MINDY3: variants seen among roughly 807,000 people sequenced by gnomAD.
MINDY3 encodes the protein MINDY lysine 48 deubiquitinase 3.
MINDY3 carries 38 observed loss-of-function variants against 69.2 expected under a neutral mutation model. The ratio of observed to expected loss-of-function variants is 0.55; its 90% CI spans 0.42 to 0.72. The LOEUF is 0.72. MINDY3 is among the 30% of genes least tolerant of loss of function. The probability of loss-of-function intolerance (pLI) is 0.00; values close to 1 mark genes in which losing one functional copy is unlikely to be tolerated. For missense variants in MINDY3, 522 were observed against 519.0 expected (o/e 1.01, Z -0.06); for synonymous variants, 192 against 180.1 (o/e 1.07, Z -0.53).
At position 15,789,319 on chromosome 10, in the gene MINDY3, T is replaced by C; in HGVS notation, c.956A>G (p.Asp319Gly). 6.2e-7 allele frequency: 1 copy of C among 1,609,186 alleles called. No homozygotes were observed. The change falls in exon 12 of 15, where the codon GAT (aspartate) becomes GGT (glycine). Residue 319 changes from aspartate (D) to glycine (G), a missense_variant and splice_region_variant. By Grantham distance (94) the Asp-to-Gly change is moderately conservative (BLOSUM62 -1). Transcript: ENST00000277632. ...RRVFQTYDPEDNGFIPDSLLE... is the reference protein window; with the variant it reads ...RRVFQTYDPEGNGFIPDSLLE... ...AAGTGAATCGGGTATGAATCCATTA[T>C]CTAGGGGGGAAAAAATCAGAAACAA...
At chr10:15,808,904 A>G (rs764888514) in intron 10 of MINDY3, among the ~76,000 whole-genome samples, 7 of 152,160 alleles carry the variant, frequency 4.6e-5, no homozygotes, top group Non-Finnish European at 1.0e-4. Context: ...GCAGGGTCCA[A>G]CTATTTTTAT....
intron 8 of MINDY3, among the ~76,000 whole-genome samples, chr10:15,822,895 AATAAT>A (rs934822023): frequency 6.6e-6 from 1 of 152,176 alleles, no homozygotes; most frequent in African/African-American, 2.4e-5. Context: ...ACATTAATAT[AATAAT>A]ATATTTGGGT....
chr10:15,824,011 T>C (rs908156138), intron 8 of MINDY3, among the ~76,000 whole-genome samples: 3 of 152,180 alleles, frequency 2.0e-5, no homozygotes, highest in African/African-American at 7.2e-5. Context: ...AGAATTCCAG[T>C]TTCTTTATCC....
chr10:15,841,119 C>T (rs756549784), intron 4 of MINDY3, among the ~76,000 whole-genome samples: 1 of 151,292 alleles, frequency 6.6e-6, no homozygotes, highest in East Asian at 2.0e-4. Context: ...GCATCTGAAA[C>T]TGAAGCATAT....
chr10:15,852,350 T>C (rs573597921), intron 1 of MINDY3, among the ~76,000 whole-genome samples: 25 of 152,292 alleles, frequency 1.6e-4, no homozygotes, highest in African/African-American at 6.0e-4. Context: ...GAGATAACCA[T>C]TTGGCAACTT....
chr10:15,812,801 A>C (rs1839097787), intron 10 of MINDY3, among the ~76,000 whole-genome samples: 1 of 152,194 alleles, frequency 6.6e-6, no homozygotes, highest in Non-Finnish European at 1.5e-5. Flanking sequence ...AACAACAGCA[A>C]AGCTGCTAAG....
intron 9 of MINDY3, chr10:15,817,771 T>C (rs974771743): frequency 2.6e-5 from 4 of 152,326 alleles, no homozygotes; most frequent in East Asian, 1.9e-4. Flanking sequence ...AGTGGCTGTT[T>C]GTGGCAGTCA....
intron 10 of MINDY3, among the ~76,000 whole-genome samples, chr10:15,808,540 T>G (rs375208048): frequency 2.0e-5 from 3 of 152,176 alleles, no homozygotes; most frequent in African/African-American, 7.2e-5. Context: ...TAAAAGCAGC[T>G]TGTGCTGTAG....
At chr10:15,843,818 G>A (rs1021391037) in intron 2 of MINDY3, among the ~76,000 whole-genome samples, 14 of 152,068 alleles carry the variant, frequency 9.2e-5, no homozygotes, top group African/African-American at 1.9e-4. Flanking sequence ...GCGAGTCAAC[G>A]ATGTTACATT....
At chr10:15,797,481 T>G (rs1837926957) in intron 10 of MINDY3, among the ~76,000 whole-genome samples, 1 of 152,168 alleles carries the variant, frequency 6.6e-6, no homozygotes, top group African/African-American at 2.4e-5. Flanking sequence ...GGCTTAACTT[T>G]CAATGCCTTT....
At chr10:15,853,144 G>C (rs543843533) in intron 1 of MINDY3, among the ~76,000 whole-genome samples, 21 of 152,036 alleles carry the variant, frequency 1.4e-4, no homozygotes, top group Non-Finnish European at 3.1e-4. Flanking sequence ...TAGTTTGAAG[G>C]GTAGTTGGAT....
chr10:15,818,553 A>C (rs1052505833), intron 9 of MINDY3, among the ~76,000 whole-genome samples: 2 of 152,198 alleles, frequency 1.3e-5, no homozygotes, highest in African/African-American at 4.8e-5. Context: ...TTTGTACATC[A>C]ATGTTTACAG....
intron 11 of MINDY3, among the ~76,000 whole-genome samples, chr10:15,794,014 G>T (rs1837621806): frequency 6.6e-6 from 1 of 152,108 alleles, no homozygotes; most frequent in Non-Finnish European, 1.5e-5. Context: ...CCACAGCACA[G>T]TGTTAACAGC....
rs141501298 is a variant in MINDY3, at chr10:15,797,878, T to A, written c.883-1706A>T. ...GCAGATTTCTACATTTATTCTAGTA[T>A]AAGCTTTAGCTCCCTTAACTATTTC... is the stretch of plus-strand genomic sequence containing the variant. On this transcript the variant is annotated intron_variant, in intron 10 of 14. Coordinates refer to ENST00000277632, the MANE Select transcript of MINDY3 (RefSeq NM_024948.4). 2.4e-3 allele frequency among the ~76,000 whole-genome samples: 371 copies of A among 152,294 alleles called. 3 individuals carry two copies. Among genetic ancestry groups the A allele is most frequent in the African/African-American group, 7.6e-3 (315 of 41,574 alleles).
intron 1 of MINDY3, among the ~76,000 whole-genome samples, chr10:15,852,516 C>G (rs548893474): frequency 6.6e-6 from 1 of 152,208 alleles, no homozygotes; most frequent in Admixed American, 6.5e-5. Context: ...GAGGCTGAGT[C>G]AGCAAAGGAG....
intron 1 of MINDY3, among the ~76,000 whole-genome samples, chr10:15,857,088 G>A (rs1834742501): frequency 3.9e-5 from 6 of 152,162 alleles, no homozygotes; most frequent in Admixed American, 3.9e-4. Flanking sequence ...TAATGGCCTA[G>A]AAAGCTTTAT....
chr10:15,813,039 C>T (rs1335462409), intron 10 of MINDY3, among the ~76,000 whole-genome samples: 1 of 152,116 alleles, frequency 6.6e-6, no homozygotes, highest in African/African-American at 2.4e-5. Context: ...TACCTATTCC[C>T]TGGGTTATCC....
intron 10 of MINDY3, among the ~76,000 whole-genome samples, chr10:15,804,565 G>C (rs1333975871): frequency 1.3e-5 from 2 of 152,084 alleles, no homozygotes; most frequent in Non-Finnish European, 2.9e-5. Context: ...CTAACTTCAA[G>C]AATGACTGCA....
rs200364714 is a variant in MINDY3, at chr10:15,786,411, CCT to C, written c.1116+148_1116+149del. ...CGTTACCGTATTCGAACACACATTC[CCT>C]CTGTCTGGGAAGGTTTCCATGTAAC... is the stretch of plus-strand genomic sequence containing the variant. On this transcript the variant is annotated intron_variant, in intron 13 of 14. Coordinates refer to ENST00000277632, the MANE Select transcript of MINDY3 (RefSeq NM_024948.4). 849 of 597,882 alleles carry C rather than the reference CCT, an allele frequency of 1.4e-3. 6 individuals carry two copies. The East Asian group carries it at 0.022, about 16-fold the overall frequency. The allele number at this position is 597,882 out of a possible 1,614,324, so 37.0% of individuals were successfully genotyped here. A position where few individuals can be genotyped will look rare whatever the true frequency, so the allele number is the denominator to read the frequency against.
Sources: gnomAD v4.1 joint callset for allele counts (sites outside exome capture counted in the v4.1 genomes callset) on GRCh38, gnomAD v4.1.1 for gene constraint, MANE v1.5 for transcripts, NCBI Gene and HGNC (gene_info 2026-07-23, HGNC 2026-07-21) for gene names.